Variants in C1orf167 observed in about 807,000 individuals in gnomAD.
C1orf167 encodes the protein uncharacterized protein C1orf167.
A neutral mutation model predicts 176.5 loss-of-function variants in C1orf167; 153 were observed. That is an observed-to-expected ratio of 0.87 (90% confidence interval 0.76 to 0.99). C1orf167 has a LOEUF of 0.99. C1orf167 is among the 50% of genes least tolerant of loss of function. The pLI is 0.00. For missense variants in C1orf167, 1,490 were observed against 1,817.7 expected (o/e 0.82, Z 3.28); for synonymous variants, 594 against 752.7 (o/e 0.79, Z 3.45).
At chr1:11,784,668 A>G in intron 15 of C1orf167, 75 bp downstream of exon 15, 2 of 1,185,830 alleles carry the variant, frequency 1.7e-6, no homozygotes, top group Non-Finnish European at 1.1e-6. Context: ...TGGCAGGGGT[A>G]GAGCGTAATT....
intron 8 of C1orf167, 123 bp downstream of exon 8, chr1:11,772,382 AG>A: frequency 1.2e-6 from 1 of 855,766 alleles, no homozygotes; most frequent in Non-Finnish European, 1.6e-6. Context: ...CTCCCACCTC[AG>A]CCTCTCGAGT....
At chr1:11,780,999 CTTTTTTTTTTT>C (rs386366239) in intron 13 of C1orf167, among the ~76,000 whole-genome samples, 1 of 92,788 alleles carries the variant, frequency 1.1e-5, no homozygotes, top group Non-Finnish European at 2.0e-5. Context: ...CCCAACCAGT[CTTTTTTTTTTT>C]TTTTTTTTTT....
intron 8 of C1orf167, among the ~76,000 whole-genome samples, chr1:11,775,146 G>A (rs1468048227): frequency 6.6e-6 from 1 of 152,128 alleles, no homozygotes; most frequent in African/African-American, 2.4e-5. Context: ...AAAATTAGCC[G>A]GGCATGGTGG....
Position 11,766,397 on chromosome 1 carries a change from TG to T in C1orf167, c.615del (p.Ser206AlafsTer119). Reference sequence around the variant, plus strand: ...CCAGGCCTCAGATCCTGGGGTGGTCTGGGGAGCTGGAGGTCCAGGCTGGTGG... The same window carrying T: ...CCAGGCCTCAGATCCTGGGGTGGTCTGGGAGCTGGAGGTCCAGGCTGGTGG... ...TQPGLRSWGG[L>X]GSWRSRLVGE... On this transcript the variant is annotated frameshift_variant, in exon 3 of 21. Coordinates refer to ENST00000688073, the MANE Select transcript of C1orf167 (RefSeq NM_001010881.2). LOFTEE classifies it high-confidence loss of function. The surrounding 1 kb of genome is among the most constrained non-coding windows in gnomAD (Gnocchi z 4.5). 7.9e-7 allele frequency: 1 copy of T among 1,273,234 alleles called. No homozygotes were observed. The highest frequency in any genetic ancestry group is 1.0e-6 in the Non-Finnish European group (1 of 980,912). The allele number at this position is 1,273,234 out of a possible 1,614,324, so 78.9% of individuals were successfully genotyped here. A position where few individuals can be genotyped will look rare whatever the true frequency, so the allele number is the denominator to read the frequency against.
rs561533758 is a variant in C1orf167, at chr1:11,773,436, G to A, written c.1988+1177G>A. Among the ~76,000 whole-genome samples the A allele has an allele frequency of 7.9e-5, 12 of 152,026 alleles. No individual in the cohort carries two copies. In the South Asian group the frequency reaches 1.2e-3, roughly 16 times the overall value. ...AGAAACATAACCACTGGCCGGGCGC[G>A]GTGGCTCATGCCTGTAATCCCAGCA... is the stretch of plus-strand genomic sequence containing the variant. On this transcript the variant is annotated intron_variant, in intron 8 of 20. Transcript: ENST00000688073.
chr1:11,789,182 G>T, intron 20 of C1orf167, 88 bp from the exon 21 acceptor site: 1 of 1,200,120 alleles, frequency 8.3e-7, no homozygotes, highest in Non-Finnish European at 1.1e-6. Flanking sequence ...GACAAAAGGA[G>T]CTGGGTACAG....
In C1orf167 at chr1:11,785,195, G is replaced by A. The variant is rs757588655; in HGVS notation, c.3473G>A (p.Arg1158Gln). The A allele has an allele frequency of 6.2e-6, 8 of 1,291,566 alleles. No homozygotes were observed. Among genetic ancestry groups the A allele is most frequent in the Middle Eastern group, 2.1e-4 (1 of 4,702 alleles). 80.0% of individuals were successfully genotyped at this position (1,291,566 alleles called of 1,614,324 possible). A position where few individuals can be genotyped will look rare whatever the true frequency, so the allele number is the denominator to read the frequency against. The change falls in exon 16 of 21, where the codon CGA (arginine) becomes CAA (glutamine). Residue 1158 changes from arginine to glutamine, a missense_variant. Transcript: ENST00000688073. The part of the protein sequence containing the change: ...VQSAVRGGVQ[R>Q]AILTQLRPAE... The stretch of plus-strand genomic sequence containing the variant: ...TCGGCGGTGCGCGGCGGTGTCCAGC[G>A]AGCCATCCTCACCCAGCTCCGGCCG...
Position 11,778,828 on chromosome 1 carries a change from G to A in C1orf167, c.2496+12G>A, listed in dbSNP as rs1643453796. 2 of 1,297,178 alleles carry A rather than the reference G, an allele frequency of 1.5e-6. No individual in the cohort carries two copies. The highest frequency in any genetic ancestry group is 2.0e-6 in the Non-Finnish European group (2 of 983,154). The allele number at this position is 1,297,178 out of a possible 1,614,324, so 80.4% of individuals were successfully genotyped here. ...ACTCTCTGGAGAAGGTGAGAGGTAG[G>A]AGGGTGGGGAGGGGCTGGGGCAGGT... is the stretch of plus-strand genomic sequence containing the variant. On this transcript the variant is annotated intron_variant, in intron 11 of 20. Coordinates refer to ENST00000688073, the MANE Select transcript of C1orf167 (RefSeq NM_001010881.2).
intron 17 of C1orf167, 147 bp downstream of exon 17, chr1:11,787,640 G>A: frequency 2.4e-6 from 2 of 824,858 alleles, no homozygotes; most frequent in Non-Finnish European, 3.3e-6. Context: ...TCTTCGGAAT[G>A]TTTCAGCTGT....
intron 2 of C1orf167, among the ~76,000 whole-genome samples, chr1:11,765,053 C>CAAA (rs376686533): frequency 0.13 from 8,823 of 67,204 alleles, 1,273 homozygotes; most frequent in East Asian, 0.31. Flanking sequence ...GACTCTGTCT[C>CAAA]AAAAAAAAAA....
At chr1:11,782,014 C>T (rs1342449731) in intron 13 of C1orf167, among the ~76,000 whole-genome samples, 175 bp from the exon 14 acceptor site, 1 of 152,168 alleles carries the variant, frequency 6.6e-6, no homozygotes, top group African/African-American at 2.4e-5. Flanking sequence ...ACTCTATGAG[C>T]TGGGCTGGCC....
At chr1:11,763,765 G>A (rs1056923282) in intron 1 of C1orf167, among the ~76,000 whole-genome samples, 5 of 152,190 alleles carry the variant, frequency 3.3e-5, no homozygotes, top group Admixed American at 6.5e-5. Flanking sequence ...CAGAATAAGG[G>A]TGACCAGTTG....
chr1:11,765,967 G>C lies in C1orf167; in HGVS notation c.181G>C (p.Gly61Arg). The C allele has an allele frequency of 7.8e-7, 1 of 1,280,868 alleles. No homozygotes were observed. The highest frequency in any genetic ancestry group is 1.0e-6 in the Non-Finnish European group (1 of 982,848). 79.3% of individuals were successfully genotyped at this position (1,280,868 alleles called of 1,614,324 possible). A position where few individuals can be genotyped will look rare whatever the true frequency, so the allele number is the denominator to read the frequency against. The change falls in exon 3 of 21, where the codon GGG (glycine) becomes CGG (arginine). Residue 61 changes from glycine (G) to arginine (R), a missense_variant. By Grantham distance (125) the Gly-to-Arg change is moderately radical. Coordinates refer to ENST00000688073, the MANE Select transcript of C1orf167 (RefSeq NM_001010881.2). ...RGGPAATPSP[G>R]AVLDQEPCRV... ...AGGGCCTGCTGCCACACCCTCCCCAGGGGCAGTGCTAGACCAGGAGCCCTG... is the reference window on the plus strand; with the variant it reads ...AGGGCCTGCTGCCACACCCTCCCCACGGGCAGTGCTAGACCAGGAGCCCTG...
chr1:11,776,265 CAAAAA>C (rs1643309158), intron 9 of C1orf167, among the ~76,000 whole-genome samples, 194 bp from the exon 10 acceptor site: 2 of 130,778 alleles, frequency 1.5e-5, no homozygotes, highest in Admixed American at 7.3e-5. Context: ...CTCAAAGAAA[CAAAAA>C]ACAAAAAACA....
At chr1:11,763,826 T>C (rs1477824752) in intron 1 of C1orf167, among the ~76,000 whole-genome samples, 1 of 152,122 alleles carries the variant, frequency 6.6e-6, no homozygotes, top group Non-Finnish European at 1.5e-5. Context: ...GGTCAGATCC[T>C]GGATGCGTGT....
chr1:11,776,393 A>G (rs12132479), intron 9 of C1orf167, 71 bp from the exon 10 acceptor site: 192,896 of 1,223,360 alleles, frequency 0.16, 16,823 homozygotes, highest in South Asian at 0.25. Flanking sequence ...CTGAGGCAGC[A>G]GCTATCAATG....
chr1:11,787,685 T>C (rs28484963), intron 17 of C1orf167, 188 bp from the exon 18 acceptor site: 1 of 894,844 alleles, frequency 1.1e-6, no homozygotes, highest in Non-Finnish European at 1.5e-6. Context: ...GCCCCGCCCC[T>C]GTGATTTCTC....
chr1:11,789,152 G>T, intron 20 of C1orf167, 118 bp from the exon 21 acceptor site: 2 of 1,015,194 alleles, frequency 2.0e-6, no homozygotes, highest in South Asian at 1.6e-5. Flanking sequence ...GCTGCTTGGG[G>T]CAGAGGGAGG....
chr1:11,782,395 C>A, intron 14 of C1orf167, 62 bp downstream of exon 14: 1 of 1,150,162 alleles, frequency 8.7e-7, no homozygotes, highest in Non-Finnish European at 1.1e-6. Context: ...GCAAGGAGAG[C>A]ACCCAGGGGG....
Sources: gnomAD v4.1 joint callset for allele counts (sites outside exome capture counted in the v4.1 genomes callset) on GRCh38, gnomAD v4.1.1 for gene constraint, Gnocchi (gnomAD v3.1) non-coding constraint, MANE v1.5 for transcripts, NCBI Gene and HGNC (gene_info 2026-07-23, HGNC 2026-07-21) for gene names.